Variants in SHOC1 observed in about 807,000 individuals in gnomAD.
SHOC1 encodes the protein protein shortage in chiasmata 1 ortholog.
A neutral mutation model predicts 179.2 loss-of-function variants in SHOC1; 136 were observed. That is an observed-to-expected ratio of 0.76 (90% CI 0.66 to 0.87). The LOEUF (loss-of-function observed/expected upper bound fraction) is 0.87, where lower values mean the gene tolerates loss of function less well. Ranked by LOEUF, SHOC1 falls within the 40% of genes least tolerant of loss-of-function variation. The pLI is 0.00. For synonymous variants in SHOC1, 489 were observed against 586.6 expected, an observed-to-expected ratio of 0.83 and a Z score of 2.41; for missense variants, 1,538 against 1,700.8, an observed-to-expected ratio of 0.90 and a Z score of 1.68.
chr9:111,691,403 G>C (rs757370188), intron 27 of SHOC1, 148 bp downstream of exon 27: 17 of 668,650 alleles, frequency 2.5e-5, no homozygotes, highest in Non-Finnish European at 3.7e-5. Context: ...ATTTATTTTA[G>C]AGTTTAGATT....
chr9:111,691,410 GATTTT>G, intron 27 of SHOC1, 136 bp downstream of exon 27: 1 of 715,778 alleles, frequency 1.4e-6, no homozygotes, highest in Non-Finnish European at 2.2e-6. Flanking sequence ...TTAGAGTTTA[GATTTT>G]CTCTTTTACC....
In SHOC1 at chr9:111,691,832, G is replaced by T; in HGVS notation, c.4145C>A (p.Ala1382Glu). 6.2e-7 allele frequency: 1 copy of T among 1,613,610 alleles called. No homozygotes were observed. Among genetic ancestry groups the T allele is most frequent in the Non-Finnish European group, 8.5e-7 (1 of 1,179,876 alleles). ...TTTCTGAGAGTACAATTTGTTACAT[G>T]CAGTCTGCTGTGCACCATATTGTAA... ...FNLQYGAQQT[A>E]CNKLYSQKGN... The change falls in exon 27 of 28, where the codon GCA becomes GAA. Residue 1382 changes from alanine to glutamate, a missense_variant. Physicochemically the swap from Ala to Glu is moderately radical, Grantham distance 107. Coordinates refer to ENST00000682961, the MANE Select transcript of SHOC1 (RefSeq NM_001378211.1).
intron 27 of SHOC1, among the ~76,000 whole-genome samples, chr9:111,687,146 C>T (rs1399724566): frequency 6.6e-6 from 1 of 151,770 alleles, no homozygotes; most frequent in African/African-American, 2.4e-5. Flanking sequence ...CAGGGTTTTG[C>T]CATGTTGGGC....
intron 27 of SHOC1, among the ~76,000 whole-genome samples, chr9:111,688,644 A>C (rs551355839): frequency 2.0e-5 from 3 of 152,286 alleles, no homozygotes. Context: ...AAGTTCAAAA[A>C]AACCAACAAC....
intron 2 of SHOC1, among the ~76,000 whole-genome samples, chr9:111,790,477 T>A (rs1836408524): frequency 1.3e-5 from 2 of 152,186 alleles, no homozygotes; most frequent in Admixed American, 1.3e-4. Flanking sequence ...AGAGTTTCCA[T>A]TTTTTTCTCC....
intron 3 of SHOC1, among the ~76,000 whole-genome samples, chr9:111,785,300 C>T (rs1182950962): frequency 5.3e-5 from 8 of 152,264 alleles, no homozygotes; most frequent in Admixed American, 6.5e-5. Context: ...TGTCTCTTCT[C>T]TATACATTTA....
intron 12 of SHOC1, among the ~76,000 whole-genome samples, chr9:111,735,888 G>C (rs551260426): frequency 2.3e-4 from 35 of 152,252 alleles, no homozygotes; most frequent in African/African-American, 8.4e-4. Context: ...TCTAACTGGC[G>C]TGAGATGGTA....
chr9:111,748,124 CT>C lies in SHOC1; in HGVS notation c.937del (p.Ser313AlafsTer14). The C allele has an allele frequency of 6.2e-7, 1 of 1,613,786 alleles. No homozygotes were observed. Among genetic ancestry groups the C allele is most frequent in the Non-Finnish European group, 8.5e-7 (1 of 1,179,824 alleles). ...FSSTEILTIQSQSEPEECSKP... is the reference protein window; with the variant it reads ...FSSTEILTIQXQSEPEECSKP... Reference sequence around the variant, plus strand: ...ACTGCACTCTTCTGGTTCACTCTGGCTTTGAATGGTCAAAATCTCTGTGGAG... The same window carrying C: ...ACTGCACTCTTCTGGTTCACTCTGGCTTGAATGGTCAAAATCTCTGTGGAG... On this transcript the variant is annotated frameshift_variant, in exon 9 of 28. Transcript: ENST00000682961. LOFTEE classifies it high-confidence loss of function.
intron 5 of SHOC1, 114 bp downstream of exon 5, chr9:111,775,677 C>A: frequency 2.7e-6 from 2 of 728,088 alleles, no homozygotes; most frequent in Admixed American, 3.4e-5. Context: ...TAGAGTTATG[C>A]AGGTGGATCT....
intron 4 of SHOC1, among the ~76,000 whole-genome samples, chr9:111,779,882 A>C (rs2131629524): frequency 6.6e-6 from 1 of 152,304 alleles, no homozygotes; most frequent in African/African-American, 2.4e-5. Context: ...TCACAGGTAA[A>C]ATGACCAGCA....
At chr9:111,735,748 T>G (rs528957000) in intron 12 of SHOC1, among the ~76,000 whole-genome samples, 3 of 152,228 alleles carry the variant, frequency 2.0e-5, no homozygotes, top group Non-Finnish European at 4.4e-5. Context: ...TCTAGATCTT[T>G]GAGGAATTGC....
At chr9:111,740,139 G>C (rs751782055) in intron 11 of SHOC1, among the ~76,000 whole-genome samples, 6 of 152,062 alleles carry the variant, frequency 3.9e-5, no homozygotes, top group Non-Finnish European at 5.9e-5. Context: ...AATTTATTCG[G>C]AGTTCCCTTC....
intron 12 of SHOC1, among the ~76,000 whole-genome samples, chr9:111,735,634 C>T (rs1035121009): frequency 2.6e-5 from 4 of 152,102 alleles, no homozygotes; most frequent in Non-Finnish European, 5.9e-5. Context: ...GTGAATAGTG[C>T]CGCAATGAAC....
intron 8 of SHOC1, among the ~76,000 whole-genome samples, chr9:111,753,687 T>A (rs1458589095): frequency 6.6e-6 from 1 of 152,114 alleles, no homozygotes; most frequent in Non-Finnish European, 1.5e-5. Context: ...ATACACTACA[T>A]TAATAGAACG....
At chr9:111,731,835 T>C (rs988776512) in intron 12 of SHOC1, among the ~76,000 whole-genome samples, 9 of 152,294 alleles carry the variant, frequency 5.9e-5, no homozygotes, top group African/African-American at 2.2e-4. Context: ...ATTTTTGATA[T>C]CTAATAAATT....
chr9:111,761,309 C>G (rs1835123056), intron 5 of SHOC1, among the ~76,000 whole-genome samples: 1 of 152,170 alleles, frequency 6.6e-6, no homozygotes, highest in Non-Finnish European at 1.5e-5. Context: ...CGAGACCAGC[C>G]TGGCCTACAT....
Position 111,765,740 on chromosome 9 carries a change from G to T in SHOC1, c.443-6892C>A, listed in dbSNP as rs561807851. On this transcript the variant is annotated intron_variant, in intron 5 of 27. Coordinates refer to ENST00000682961, the MANE Select transcript of SHOC1 (RefSeq NM_001378211.1). ...ATCTTTACTTTTTTTTTGAGACAGA[G>T]TCTCACTCTGTCACCCAGGCTAGAG... is the stretch of plus-strand genomic sequence containing the variant. 2.0e-5 allele frequency among the ~76,000 whole-genome samples: 3 copies of T among 151,800 alleles called. No homozygotes were observed. In the South Asian group the frequency reaches 6.2e-4, roughly 32 times the overall value.
Position 111,727,632 on chromosome 9 carries a change from C to A in SHOC1, c.1834+1G>T. On this transcript the variant is annotated splice_donor_variant, in intron 13 of 27. Transcript: ENST00000682961. LOFTEE classifies it high-confidence loss of function. The stretch of plus-strand genomic sequence containing the variant: ...CGGCAAAATATTATTAAATTACTTA[C>A]CATGTTTTTCATCACTGTTTGTGAC... The A allele has an allele frequency of 6.4e-7, 1 of 1,559,042 alleles. No individual in the cohort carries two copies.
chr9:111,775,564 C>T (rs951275782), intron 5 of SHOC1, among the ~76,000 whole-genome samples: 1 of 152,118 alleles, frequency 6.6e-6, no homozygotes, highest in Non-Finnish European at 1.5e-5. Flanking sequence ...GATCAAATCT[C>T]TGCAGGTTGT....
Sources: allele counts gnomAD v4.1 joint callset (sites outside exome capture counted in the v4.1 genomes callset), GRCh38; gene constraint gnomAD v4.1.1; transcripts MANE v1.5; gene names NCBI Gene and HGNC (gene_info 2026-07-23, HGNC 2026-07-21).